CFAP92: variants seen among roughly 807,000 people sequenced by gnomAD.
CFAP92 encodes uncharacterized protein CFAP92.
In CFAP92, 86 loss-of-function variants were observed where a neutral mutation model predicts 106.3. The observed-to-expected ratio is 0.81, with a 90% CI of 0.68 to 0.97. The LOEUF (loss-of-function observed/expected upper bound fraction) is 0.97. Among genes scored for constraint, CFAP92 ranks in the 50% least tolerant of loss-of-function variants. CFAP92 has a pLI of 0.00. For synonymous variants in CFAP92, 477 were observed against 506.4 expected, an observed-to-expected ratio of 0.94 and a Z score of 0.78; for missense variants, 1,204 against 1,283.8, an observed-to-expected ratio of 0.94 and a Z score of 0.95.
intron 10 of CFAP92, among the ~76,000 whole-genome samples, chr3:128,940,266 T>C (rs1013721778): frequency 1.3e-5 from 2 of 152,184 alleles, no homozygotes; most frequent in African/African-American, 4.8e-5. Context: ...TAAACATGAG[T>C]GTACAAAGTT....
chr3:128,988,604 G>T, intron 3 of CFAP92, 124 bp downstream of exon 3: 1 of 966,302 alleles, frequency 1.0e-6, no homozygotes, highest in Non-Finnish European at 1.5e-6. Context: ...TCAGGAGGTG[G>T]GGCCCGGGAT....
chr3:128,987,886 C>A, intron 3 of CFAP92, 57 bp from the exon 4 acceptor site: 1 of 1,461,500 alleles, frequency 6.8e-7, no homozygotes, highest in Non-Finnish European at 9.3e-7. Context: ...AAGGCCGTGG[C>A]GAACAGAGCA....
upstream of CFAP92, chr3:129,003,994 G>A (rs1323855713): frequency 2.7e-6 from 4 of 1,502,116 alleles, no homozygotes; most frequent in Non-Finnish European, 3.5e-6. Context: ...TGCACCGCGT[G>A]CGAGAGCTGG....
intron 15 of CFAP92, among the ~76,000 whole-genome samples, chr3:128,913,346 G>T (rs908370272): frequency 1.3e-5 from 2 of 152,222 alleles, no homozygotes; most frequent in African/African-American, 4.8e-5. Context: ...CTCAGCTGAT[G>T]ATGTTCCCAC....
Position 129,001,952 on chromosome 3 carries a change from G to C in CFAP92, n.117+622C>G, listed in dbSNP as rs895998136. On this transcript the variant is annotated intron_variant and non_coding_transcript_variant, in intron 1 of 4. Coordinates refer to the CFAP92 transcript ENST00000510149. The stretch of plus-strand genomic sequence containing the variant: ...CAGGTGACGGGAACTCCAGAGATGT[G>C]ACCCCCGGGGATGCGGCCGCTGAGT... 34 of 1,543,730 alleles carry C rather than the reference G, an allele frequency of 2.2e-5. No individual in the cohort carries two copies. The African/African-American group carries it at 4.7e-4, about 21-fold the overall frequency.
the CFAP92 span, among the ~76,000 whole-genome samples, chr3:129,023,223 TA>T: frequency 1.3e-5 from 2 of 152,154 alleles, no homozygotes; most frequent in Admixed American, 1.3e-4. Context: ...GCTTCTAAAT[TA>T]GAGTTTGATT....
intron 13 of CFAP92, 134 bp downstream of exon 13, chr3:128,915,973 C>A: frequency 1.8e-6 from 1 of 564,098 alleles, no homozygotes; most frequent in East Asian, 3.5e-5. Flanking sequence ...AACATCTGAG[C>A]CTTGTCTACT....
At chr3:128,997,199 A>C (rs1175781478), upstream of CFAP92, among the ~76,000 whole-genome samples, 1 of 152,208 alleles carries the variant, frequency 6.6e-6, no homozygotes, top group Admixed American at 6.5e-5. Context: ...CCAAGCTCCC[A>C]CAGGCTATGT....
chr3:128,911,316 CA>C (rs1267073191), intron 15 of CFAP92, among the ~76,000 whole-genome samples: 1 of 152,136 alleles, frequency 6.6e-6, no homozygotes, highest in Non-Finnish European at 1.5e-5. Context: ...CCTCAGCCTC[CA>C]AAAATGCTGG....
intron 10 of CFAP92, among the ~76,000 whole-genome samples, chr3:128,943,456 C>T (rs1257342524): frequency 6.6e-6 from 1 of 152,144 alleles, no homozygotes; most frequent in African/African-American, 2.4e-5. Flanking sequence ...CAGAATCATA[C>T]AATATGTGCC....
At chr3:129,003,850 G>A (rs557333033), upstream of CFAP92, 12 of 1,454,718 alleles carry the variant, frequency 8.2e-6, no homozygotes, top group South Asian at 1.6e-4. Context: ...GCGGGCCGGA[G>A]GCTGCGGTGC....
chr3:128,942,174 G>A (rs1169310195), intron 10 of CFAP92, among the ~76,000 whole-genome samples: 2 of 152,184 alleles, frequency 1.3e-5, no homozygotes, highest in Non-Finnish European at 2.9e-5. Flanking sequence ...TACTGAAAAT[G>A]AGTTCTACAC....
At chr3:129,016,692 C>G in the CFAP92 span, among the ~76,000 whole-genome samples, 5 of 152,106 alleles carry the variant, frequency 3.3e-5, no homozygotes, top group South Asian at 2.1e-4. Flanking sequence ...CACACTGGCC[C>G]CACTTCTCTG....
intron 8 of CFAP92, among the ~76,000 whole-genome samples, chr3:128,965,996 C>T (rs895835260): frequency 6.6e-6 from 1 of 152,050 alleles, no homozygotes; most frequent in Non-Finnish European, 1.5e-5. Context: ...ACAATAGGAA[C>T]ACCTATGTGT....
upstream of CFAP92, chr3:129,003,686 T>G (rs2107852421): frequency 9.2e-7 from 1 of 1,086,788 alleles, no homozygotes; most frequent in South Asian, 3.3e-5. Context: ...AGAAACGTGC[T>G]CAAGCGCTTC....
chr3:128,991,834 A>G (rs1576651958), intron 2 of CFAP92: 2 of 988,136 alleles, frequency 2.0e-6, no homozygotes, highest in East Asian at 2.2e-4. Context: ...ATGGTGGGCT[A>G]GTTCAAGTAA....
At chr3:128,932,646 TG>T (rs1442342398) in intron 12 of CFAP92, 53 bp downstream of exon 12, 13 of 1,487,710 alleles carry the variant, frequency 8.7e-6, no homozygotes, top group Non-Finnish European at 1.2e-5. Flanking sequence ...AGCAGGCGCC[TG>T]GACCGCCCAG....
At chr3:128,949,045 T>C (rs1311828675) in intron 9 of CFAP92, among the ~76,000 whole-genome samples, 1 of 152,214 alleles carries the variant, frequency 6.6e-6, no homozygotes, top group Non-Finnish European at 1.5e-5. Context: ...CTGGCTAAAC[T>C]TAAAATACTG....
At chr3:129,005,656 G>T (rs1945040779), upstream of CFAP92, among the ~76,000 whole-genome samples, 3 of 152,260 alleles carry the variant, frequency 2.0e-5, no homozygotes, top group South Asian at 6.2e-4. Context: ...TGAGAGGAAG[G>T]TGGTCTAGCC....
Sources: gnomAD v4.1 joint callset for allele counts (sites outside exome capture counted in the v4.1 genomes callset) on GRCh38, gnomAD v4.1.1 for gene constraint, MANE v1.5 for transcripts, NCBI Gene and HGNC (gene_info 2026-07-23, HGNC 2026-07-21) for gene names.